TNKS: variants seen among roughly 807,000 people sequenced by gnomAD.
TNKS encodes poly [ADP-ribose] polymerase tankyrase-1.
TNKS carries 72 observed loss-of-function variants against 135.8 expected under a neutral mutation model. The ratio of observed to expected loss-of-function variants is 0.53; its 90% CI spans 0.44 to 0.64. The LOEUF is 0.64. Among genes scored for constraint, TNKS ranks in the 30% least tolerant of loss-of-function variants. The pLI is 0.00. For missense variants in TNKS, 1,769 were observed against 1,674.0 expected, an observed-to-expected ratio of 1.06 and a Z score of -0.99; for synonymous variants, 849 against 649.3, an observed-to-expected ratio of 1.31 and a Z score of -4.68.
chr8:9,748,007 C>G lies in TNKS; in HGVS notation c.2644-17C>G. 2 of 1,591,272 alleles carry G rather than the reference C, an allele frequency of 1.3e-6. No individual in the cohort carries two copies. Among genetic ancestry groups the G allele is most frequent in the Non-Finnish European group, 1.7e-6 (2 of 1,167,534 alleles). On this transcript the variant is annotated splice_polypyrimidine_tract_variant and intron_variant, in intron 17 of 26. Coordinates refer to ENST00000310430, the MANE Select transcript of TNKS (RefSeq NM_003747.3). ...GATCTCATTCTTAACTCTTTGTATCCTTTTCTTTTTTTTCAGCATGTTGAC... is the reference window on the plus strand; with the variant it reads ...GATCTCATTCTTAACTCTTTGTATCGTTTTCTTTTTTTTCAGCATGTTGAC...
intron 1 of TNKS, among the ~76,000 whole-genome samples, chr8:9,565,000 C>T (rs542925203): frequency 2.7e-5 from 4 of 148,028 alleles, no homozygotes; most frequent in South Asian, 2.1e-4. Flanking sequence ...AGGATAACCC[C>T]GGGGCTCATT....
chr8:9,556,631 GTTTA>G lies in TNKS; in HGVS notation c.673+22_673+25del. On this transcript the variant is annotated intron_variant, in intron 1 of 26. Coordinates refer to ENST00000310430, the MANE Select transcript of TNKS (RefSeq NM_003747.3). The stretch of plus-strand genomic sequence containing the variant: ...GCTGCAGGTCAGAGACTTTTGAATT[GTTTA>G]TTAAGGGTTATGGGTTTGGGTGCAG... 1 of 1,612,420 alleles carries G rather than the reference GTTTA, an allele frequency of 6.2e-7. No homozygotes were observed. Among genetic ancestry groups the G allele is most frequent in the Middle Eastern group, 1.6e-4 (1 of 6,062 alleles).
chr8:9,651,359 T>A (rs1801141930), intron 3 of TNKS, among the ~76,000 whole-genome samples: 1 of 152,210 alleles, frequency 6.6e-6, no homozygotes, highest in Non-Finnish European at 1.5e-5. Flanking sequence ...GGAAAGTGAT[T>A]GACATATGCA....
rs1220989343 is a variant in TNKS at position 9,556,144 on chromosome 8, G to A, written c.205G>A (p.Asp69Asn). Reference protein sequence around the residue: ...PRHGLALPEGDGSRDPPDRPR... With the variant: ...PRHGLALPEGNGSRDPPDRPR... ...GCACGGCCTAGCGCTGCCGGAGGGG[G>A]ATGGCAGTCGGGATCCGCCCGACAG... Residue 69 changes from aspartate to asparagine, a missense_variant, in exon 1 of 27, where the codon GAT (aspartate) becomes AAT (asparagine). Physicochemically the swap from Asp to Asn is conservative, Grantham distance 23. This residue lies in a region of TNKS where 450 missense variants were observed against 304.9 expected (regional missense o/e 1.48). Coordinates refer to ENST00000310430, the MANE Select transcript of TNKS (RefSeq NM_003747.3). The A allele has an allele frequency of 2.5e-6, 4 of 1,608,006 alleles. No individual in the cohort carries two copies. The highest frequency in any genetic ancestry group is 3.4e-6 in the Non-Finnish European group (4 of 1,176,912).
chr8:9,599,160 A>C (rs1306229993), intron 2 of TNKS, among the ~76,000 whole-genome samples: 1 of 152,136 alleles, frequency 6.6e-6, no homozygotes, highest in African/African-American at 2.4e-5. Flanking sequence ...AAATAAAAAG[A>C]AGCATAATAT....
intron 5 of TNKS, 84 bp from the exon 6 acceptor site, chr8:9,704,579 T>TA: frequency 8.9e-7 from 1 of 1,125,024 alleles, no homozygotes; most frequent in Non-Finnish European, 1.3e-6. Context: ...TCAACTTTCA[T>TA]TGTGTTTAAA....
intron 3 of TNKS, among the ~76,000 whole-genome samples, chr8:9,634,355 C>G (rs1003868384): frequency 6.6e-6 from 1 of 152,044 alleles, no homozygotes; most frequent in Non-Finnish European, 1.5e-5. Flanking sequence ...ATATTTCAAA[C>G]AACCACACTG....
intron 11 of TNKS, among the ~76,000 whole-genome samples, chr8:9,717,072 A>AATATATATATATATATATATAT (rs368231440): frequency 8.3e-4 from 66 of 79,408 alleles, no homozygotes; most frequent in African/African-American, 2.6e-3. Context: ...GTTGTATTAT[A>AATATATATATATATATATATAT]ATATATATAT....
chr8:9,626,878 C>A (rs1174008109), intron 3 of TNKS, among the ~76,000 whole-genome samples: 1 of 152,186 alleles, frequency 6.6e-6, no homozygotes, highest in African/African-American at 2.4e-5. Context: ...TCCTGGCATA[C>A]AATTCCTAAA....
chr8:9,735,629 T>A, intron 17 of TNKS, 143 bp downstream of exon 17: 1 of 619,278 alleles, frequency 1.6e-6, no homozygotes, highest in Non-Finnish European at 2.8e-6. Flanking sequence ...TGAAACCCCG[T>A]CTCTACTAAA....
At chr8:9,680,068 T>G in intron 4 of TNKS, 81 bp downstream of exon 4, 1 of 1,026,944 alleles carries the variant, frequency 9.7e-7, no homozygotes, top group Non-Finnish European at 1.5e-6. Flanking sequence ...CTATAAAAAA[T>G]ATAACGTTAT....
At chr8:9,695,232 A>G (rs1803456018) in intron 5 of TNKS, among the ~76,000 whole-genome samples, 1 of 152,234 alleles carries the variant, frequency 6.6e-6, no homozygotes, top group African/African-American at 2.4e-5. Context: ...TAGCTACATT[A>G]TGAATCCATA....
chr8:9,663,592 C>T (rs142477778), intron 3 of TNKS, among the ~76,000 whole-genome samples: 17 of 152,306 alleles, frequency 1.1e-4, no homozygotes, highest in African/African-American at 4.1e-4. Context: ...GAAGACTACA[C>T]CCCACTTTAG....
At chr8:9,746,453 TTTTATAGTCCTGCTCC>T (rs1296044927) in intron 17 of TNKS, among the ~76,000 whole-genome samples, 1 of 152,166 alleles carries the variant, frequency 6.6e-6, no homozygotes, top group African/African-American at 2.4e-5. Flanking sequence ...CTGTATTGGC[TTTTATAGTCCTGCTCC>T]TTTATAGTTC....
intron 3 of TNKS, among the ~76,000 whole-genome samples, chr8:9,626,605 C>T (rs908747943): frequency 6.6e-6 from 1 of 151,974 alleles, no homozygotes. Flanking sequence ...GCTGTAAGAC[C>T]CTGGATCTTA....
At chr8:9,710,636 C>G (rs1333880036) in intron 11 of TNKS, among the ~76,000 whole-genome samples, 1 of 152,200 alleles carries the variant, frequency 6.6e-6, no homozygotes, top group Non-Finnish European at 1.5e-5. Context: ...GTGGCTCACG[C>G]CTGTAATCCC....
intron 3 of TNKS, among the ~76,000 whole-genome samples, chr8:9,632,318 T>G (rs552140460): frequency 1.6e-4 from 25 of 152,320 alleles, no homozygotes; most frequent in African/African-American, 5.3e-4. Flanking sequence ...AATTTCCAAC[T>G]TACAGGAAAG....
intron 5 of TNKS, among the ~76,000 whole-genome samples, chr8:9,691,320 G>T (rs1803256190): frequency 6.6e-6 from 1 of 152,106 alleles, no homozygotes; most frequent in Non-Finnish European, 1.5e-5. Context: ...TGTTATGAAG[G>T]AGTTCCACAT....
intron 8 of TNKS, among the ~76,000 whole-genome samples, chr8:9,707,419 C>T (rs62491552): frequency 0.14 from 21,341 of 152,080 alleles, 1,935 homozygotes; most frequent in East Asian, 0.2. Flanking sequence ...TATGGGCTTA[C>T]GTTCTTGTGC....
Sources: gnomAD v4.1 joint callset for allele counts (sites outside exome capture counted in the v4.1 genomes callset) on GRCh38, gnomAD v4.1.1 for gene constraint, gnomAD v4.1.1 regional missense constraint, MANE v1.5 for transcripts, NCBI Gene and HGNC (gene_info 2026-07-23, HGNC 2026-07-21) for gene names.